SASH1: variants seen among roughly 807,000 people sequenced by gnomAD.
SASH1 encodes SAM and SH3 domain-containing protein 1.
Under a neutral mutation model 125.2 loss-of-function variants are expected in SASH1, and 44 were observed. The ratio of observed to expected loss-of-function variants is 0.35; its 90% confidence interval spans 0.28 to 0.45. The LOEUF is 0.45. Ranked by LOEUF, SASH1 falls within the 20% of genes least tolerant of loss-of-function variation. SASH1 has a pLI of 1.00. For missense variants in SASH1, 1,426 were observed against 1,614.5 expected (o/e 0.88, Z 2.00); for synonymous variants, 639 against 649.1 (o/e 0.98, Z 0.24).
Position 148,533,968 on chromosome 6 carries a change from G to C in SASH1, c.1932G>C (p.Arg644=), listed in dbSNP as rs139143972. The C allele has an allele frequency of 4.8e-5, 77 of 1,613,766 alleles. No individual in the cohort carries two copies. Among genetic ancestry groups the C allele is most frequent in the Middle Eastern group, 1.6e-4 (1 of 6,078 alleles). ...QPKSVEDLLD[R]INLKEHMPTF... ...AGTCTGTGGAGGATCTCCTGGATCG[G>C]ATTAACCTAAAAGTCAGTCGCTTCT... Residue 644 remains arginine (R), a synonymous_variant, in exon 15 of 20, where the codon CGG becomes CGC. Coordinates refer to ENST00000367467, the MANE Select transcript of SASH1 (RefSeq NM_015278.5). The surrounding 1 kb of genome is among the most constrained non-coding windows in gnomAD (Gnocchi z 6.2).
chr6:148,371,408 C>T (rs932206176), intron 1 of SASH1, among the ~76,000 whole-genome samples: 1 of 151,944 alleles, frequency 6.6e-6, no homozygotes, highest in African/African-American at 2.4e-5. Flanking sequence ...AGGCACCCGC[C>T]AGTACACCTA....
chr6:148,345,182 G>T (rs1475190244), intron 1 of SASH1, among the ~76,000 whole-genome samples: 1 of 152,168 alleles, frequency 6.6e-6, no homozygotes, highest in East Asian at 1.9e-4. Context: ...GGGCGGGGAG[G>T]ATTGGGGGCC....
At chr6:148,333,901 C>T (rs1423779420) in intron 1 of SASH1, among the ~76,000 whole-genome samples, 2 of 151,958 alleles carry the variant, frequency 1.3e-5, no homozygotes, top group Non-Finnish European at 2.9e-5. Flanking sequence ...CAGCTCACTG[C>T]AAGCTCTGCC....
chr6:148,405,468 G>A (rs890328718), intron 2 of SASH1, among the ~76,000 whole-genome samples: 2 of 152,124 alleles, frequency 1.3e-5, no homozygotes, highest in African/African-American at 4.8e-5. Flanking sequence ...CAGGTTAGCA[G>A]GGCTGAGAAT....
At chr6:148,528,763 G>C (rs1455993971) in intron 12 of SASH1, among the ~76,000 whole-genome samples, 2 of 152,228 alleles carry the variant, frequency 1.3e-5, no homozygotes, top group Non-Finnish European at 2.9e-5. Context: ...TTTCCACGGA[G>C]CTGGTGTAGG....
chr6:148,279,517 T>G (rs1038947899), intron 1 of SASH1, among the ~76,000 whole-genome samples: 1 of 152,190 alleles, frequency 6.6e-6, no homozygotes, highest in African/African-American at 2.4e-5. Context: ...TGGGTTATCA[T>G]CATGGATAAT....
intron 1 of SASH1, among the ~76,000 whole-genome samples, chr6:148,313,722 C>G (rs1038155568): frequency 1.1e-3 from 165 of 152,202 alleles, no homozygotes; most frequent in African/African-American, 3.9e-3. Flanking sequence ...GGCTGTGGCA[C>G]GTGCGGCTGC....
In SASH1 at chr6:148,440,573, G is replaced by A. The variant is rs138158443; in HGVS notation, c.386+166G>A. The stretch of plus-strand genomic sequence containing the variant: ...TGTGTGTGTATCTAGGTGGCTAAGA[G>A]TGTGTTTTGTAATGCAGTTGGTGAT... On this transcript the variant is annotated intron_variant, in intron 4 of 19. Coordinates refer to ENST00000367467, the MANE Select transcript of SASH1 (RefSeq NM_015278.5). 375 of 621,190 alleles carry A rather than the reference G, an allele frequency of 6.0e-4. 1 individual carries two copies. The highest frequency in any genetic ancestry group is 8.0e-4 in the Non-Finnish European group (282 of 353,846). The allele number at this position is 621,190 out of a possible 1,614,324, so 38.5% of individuals were successfully genotyped here.
upstream of SASH1, among the ~76,000 whole-genome samples, chr6:148,270,615 A>G (rs1450347718): frequency 6.6e-6 from 1 of 152,028 alleles, no homozygotes; most frequent in Admixed American, 6.6e-5. Context: ...GTAGATATAT[A>G]CTCCAAAGTG....
At chr6:148,264,028 A>G in the SASH1 span, among the ~76,000 whole-genome samples, 1 of 152,184 alleles carries the variant, frequency 6.6e-6, no homozygotes, top group Non-Finnish European at 1.5e-5. Context: ...ACCAGCAAGC[A>G]AAGAGCCCCT....
At position 148,363,695 on chromosome 6, in the gene SASH1, C is replaced by T. The variant is rs111430084; in HGVS notation, c.156+20472C>T. Among the ~76,000 whole-genome samples, 210 of 152,010 alleles carry T rather than the reference C, an allele frequency of 1.4e-3. 1 individual carries two copies. Among genetic ancestry groups the T allele is most frequent in the African/African-American group, 3.8e-3 (158 of 41,460 alleles). ...GATTACAGGCATAAGCCACCACGCC[C>T]GGCCGATTGAGGCTCTTCTTAACCT... On this transcript the variant is annotated intron_variant, in intron 1 of 19. Transcript: ENST00000367467.
At chr6:148,387,640 C>G (rs1232265876) in intron 1 of SASH1, among the ~76,000 whole-genome samples, 1 of 40,254 alleles carries the variant, frequency 2.5e-5, no homozygotes. Flanking sequence ...TTCTTTCTTT[C>G]TTTCTTTCTT....
chr6:148,432,167 G>C (rs191515849), intron 2 of SASH1, among the ~76,000 whole-genome samples: 1 of 152,216 alleles, frequency 6.6e-6, no homozygotes, highest in East Asian at 1.9e-4. Context: ...TAGAGATGGG[G>C]TTTCTCCATG....
At chr6:148,343,995 A>G (rs1028977582) in intron 1 of SASH1, among the ~76,000 whole-genome samples, 12 of 152,316 alleles carry the variant, frequency 7.9e-5, no homozygotes, top group Admixed American at 1.3e-4. Flanking sequence ...AGACAACTTT[A>G]GTTTAAAGAC....
At chr6:148,353,808 A>C (rs904196525) in intron 1 of SASH1, among the ~76,000 whole-genome samples, 3 of 152,180 alleles carry the variant, frequency 2.0e-5, no homozygotes, top group Non-Finnish European at 4.4e-5. Context: ...AAGTACATAA[A>C]TTGCTTCAAG....
rs1779277833 is a variant in SASH1 at position 148,279,467 on chromosome 6, C to A, written n.74+7090C>A. On this transcript the variant is annotated intron_variant and non_coding_transcript_variant, in intron 1 of 3. Transcript: ENST00000367469. ...ATGTTCAATCACTTGGCCAAGCCAA[C>A]TCAGCTATCCCGTTAGGTTCTGGTT... is the stretch of plus-strand genomic sequence containing the variant. Among the ~76,000 whole-genome samples, 5 of 152,324 alleles carry A rather than the reference C, an allele frequency of 3.3e-5. No individual in the cohort carries two copies. In the South Asian group the frequency reaches 1.0e-3, roughly 32 times the overall value.
At chr6:148,427,939 A>C (rs1472291512) in intron 2 of SASH1, among the ~76,000 whole-genome samples, 1 of 152,252 alleles carries the variant, frequency 6.6e-6, no homozygotes, top group Non-Finnish European at 1.5e-5. Context: ...TTTCCAGAGC[A>C]AGGTGACTTC....
chr6:148,207,809 C>T, the SASH1 span, among the ~76,000 whole-genome samples: 5 of 152,160 alleles, frequency 3.3e-5, no homozygotes, highest in East Asian at 1.9e-4. Flanking sequence ...CAGTGTAAGC[C>T]GTCTGCTCAG....
intron 1 of SASH1, among the ~76,000 whole-genome samples, chr6:148,366,558 C>T (rs899356174): frequency 5.9e-5 from 9 of 152,060 alleles, no homozygotes; most frequent in Non-Finnish European, 1.3e-4. Flanking sequence ...TGAATTTTGT[C>T]ATTTGTAAAA....
Sources: gnomAD v4.1 joint callset for allele counts (sites outside exome capture counted in the v4.1 genomes callset) on GRCh38, gnomAD v4.1.1 for gene constraint, Gnocchi (gnomAD v3.1) non-coding constraint, MANE v1.5 for transcripts, NCBI Gene and HGNC (gene_info 2026-07-23, HGNC 2026-07-21) for gene names.